The following R3HDM4 variants were observed in gnomAD, a reference collection of about 807,000 sequenced individuals.
R3HDM4 encodes the protein R3H domain-containing protein 4.
R3HDM4 carries 30 observed loss-of-function variants against 31.3 expected under a neutral mutation model. The ratio of observed to expected loss-of-function variants is 0.96; its 90% confidence interval spans 0.72 to 1.30. The LOEUF (loss-of-function observed/expected upper bound fraction) is 1.30. Ranked by LOEUF, R3HDM4 falls within the 50% of genes most tolerant of loss-of-function variation. The pLI, the probability that R3HDM4 is intolerant of heterozygous loss-of-function variation, is 0.00. For synonymous variants in R3HDM4, 196 were observed against 156.6 expected, an observed-to-expected ratio of 1.25 and a Z score of -1.88; for missense variants, 444 against 366.1, an observed-to-expected ratio of 1.21 and a Z score of -1.74.
Position 900,810 on chromosome 19 carries a change from G to A in R3HDM4, c.475+19C>T, listed in dbSNP as rs1472237723. 1.5e-5 allele frequency: 6 copies of A among 398,058 alleles called. No homozygotes were observed. In the East Asian group the frequency reaches 3.9e-4, roughly 26 times the overall value. 24.7% of individuals were successfully genotyped at this position (398,058 alleles called of 1,614,324 possible). On this transcript the variant is annotated intron_variant, in intron 4 of 7. Transcript: ENST00000361574. The stretch of plus-strand genomic sequence containing the variant: ...CCATACCCTGGCCCCACCCATACCC[G>A]CCCCAGCCAGGCCCGCACCTCTCCT...
At chr19:901,817 G>C in intron 2 of R3HDM4, 159 bp downstream of exon 2, 1 of 938,768 alleles carries the variant, frequency 1.1e-6, no homozygotes, top group South Asian at 1.6e-5. Context: ...CCTGTGTCTG[G>C]CTCTATTTAT....
intron 1 of R3HDM4, among the ~76,000 whole-genome samples, chr19:911,884 G>A (rs1408477536): frequency 6.6e-6 from 1 of 151,892 alleles, no homozygotes; most frequent in South Asian, 2.1e-4. Flanking sequence ...GCAAGGAGCC[G>A]GGTCTGCCCG....
rs752179633 is a variant in R3HDM4 at position 899,681 on chromosome 19, C to A, written c.567G>T (p.Thr189=). ...VLKRSRIPME[T]LETWEERLLR... ...GCAGCCGCTCCTCCCAGGTCTCCAG[C>A]GTTTCCTGGGGAGAGCGGCCCGGTG... The change falls in exon 6 of 8, where the codon ACG becomes ACT. Residue 189 remains threonine, a synonymous_variant. Transcript: ENST00000361574. This position sits in a 1 kb window ranked among gnomAD's most constrained non-coding sequence, Gnocchi z 6.8. 2 of 1,590,234 alleles carry A rather than the reference C, an allele frequency of 1.3e-6. No homozygotes were observed. The highest frequency in any genetic ancestry group is 1.8e-5 in the Admixed American group (1 of 55,688).
At chr19:909,988 C>T (rs2036952138) in intron 1 of R3HDM4, among the ~76,000 whole-genome samples, 1 of 152,010 alleles carries the variant, frequency 6.6e-6, no homozygotes, top group African/African-American at 2.4e-5. Flanking sequence ...AGTTCGAGAC[C>T]AGCCTAGGCA....
rs1449715723 is a variant in R3HDM4, at chr19:912,760, T to G, written c.71+327A>C. 2.1e-4 allele frequency among the ~76,000 whole-genome samples: 11 copies of G among 53,188 alleles called. No individual in the cohort carries two copies. In the South Asian group the frequency reaches 2.2e-3, roughly 10 times the overall value. 34.9% of individuals were successfully genotyped at this position (53,188 alleles called of 152,430 possible). Reference sequence around the variant, plus strand: ...CGGGGAGTGGGGCGCGGACCGGGGATTAGGGGGCGGACCGGGGAGTAGGGG... The same window carrying G: ...CGGGGAGTGGGGCGCGGACCGGGGAGTAGGGGGCGGACCGGGGAGTAGGGG... On this transcript the variant is annotated intron_variant, in intron 1 of 7. Transcript: ENST00000361574.
intron 1 of R3HDM4, among the ~76,000 whole-genome samples, chr19:904,959 C>A (rs2036883903): frequency 6.6e-6 from 1 of 151,396 alleles, no homozygotes; most frequent in Non-Finnish European, 1.5e-5. Flanking sequence ...GTGTTCCCAG[C>A]ACTTTGGGAG....
rs1467623237 is a variant in R3HDM4, at chr19:901,512, C to G, written c.261G>C (p.Gly87=). 1.2e-6 allele frequency: 2 copies of G among 1,608,400 alleles called. No homozygotes were observed. The highest frequency in any genetic ancestry group is 1.7e-6 in the Non-Finnish European group (2 of 1,179,794). The change falls in exon 3 of 8, where the codon GGG becomes GGC. Residue 87 remains glycine (G), a synonymous_variant. Coordinates refer to ENST00000361574, the MANE Select transcript of R3HDM4 (RefSeq NM_138774.4). ...QYLLTLLETD[G]GLPGLEDGDL... is the part of the protein sequence containing the mutation. ...CCCCATCCTCCAGGCCAGGCAGGCC[C>G]CCGTCTGTCTCCAGCAGGGTCAGGA...
In R3HDM4 at chr19:899,687, C is replaced by T. The variant is rs2036799402; in HGVS notation, c.562-1G>A. The stretch of plus-strand genomic sequence containing the variant: ...GCTCCTCCCAGGTCTCCAGCGTTTC[C>T]TGGGGAGAGCGGCCCGGTGGTCAGG... On this transcript the variant is annotated splice_acceptor_variant, in intron 5 of 7. Coordinates refer to ENST00000361574, the MANE Select transcript of R3HDM4 (RefSeq NM_138774.4). LOFTEE classifies it high-confidence loss of function. This position sits in a 1 kb window ranked among gnomAD's most constrained non-coding sequence, Gnocchi z 6.8. 6.3e-7 allele frequency: 1 copy of T among 1,577,830 alleles called. No homozygotes were observed. Among genetic ancestry groups the T allele is most frequent in the Non-Finnish European group, 8.6e-7 (1 of 1,161,730 alleles).
intron 1 of R3HDM4, among the ~76,000 whole-genome samples, chr19:911,649 C>A (rs1364794669): frequency 6.6e-6 from 1 of 152,174 alleles, no homozygotes; most frequent in Admixed American, 6.5e-5. Context: ...TGGCGCCGTC[C>A]GCACACGGAG....
Position 901,429 on chromosome 19 carries a change from T to C in R3HDM4, c.344A>G (p.Tyr115Cys), listed in dbSNP as rs955540823. 8.1e-6 allele frequency: 13 copies of C among 1,606,434 alleles called. No individual in the cohort carries two copies. Among genetic ancestry groups the C allele is most frequent in the Non-Finnish European group, 1.0e-5 (12 of 1,179,354 alleles). The change falls in exon 3 of 8, where the codon TAT becomes TGT. Residue 115 changes from tyrosine to cysteine, a missense_variant. Transcript: ENST00000361574. ...GGGGGTTGGGGGCCACACCTCCACATAGGTGGCGTTGTTGCAGGCCTCGGC... is the reference window on the plus strand; with the variant it reads ...GGGGGTTGGGGGCCACACCTCCACACAGGTGGCGTTGTTGCAGGCCTCGGC... ...IFAEACNNAT[Y>C]VEVWNDFMNR...
At chr19:898,582 G>A (rs1363596017) in intron 7 of R3HDM4, among the ~76,000 whole-genome samples, 3 of 151,776 alleles carry the variant, frequency 2.0e-5, no homozygotes, top group Non-Finnish European at 4.4e-5. Context: ...CTGGGTGGCA[G>A]AATGAGACTG....
chr19:910,532 C>G lies in R3HDM4; in HGVS notation c.71+2555G>C, dbSNP rs145678410. Among the ~76,000 whole-genome samples the G allele has an allele frequency of 6.6e-3, 997 of 151,810 alleles. 10 individuals are homozygous for G. The highest frequency in any genetic ancestry group is 0.023 in the African/African-American group (950 of 41,366). On this transcript the variant is annotated intron_variant, in intron 1 of 7. Coordinates refer to ENST00000361574, the MANE Select transcript of R3HDM4 (RefSeq NM_138774.4). Reference sequence around the variant, plus strand: ...CTGTAATCCCAACACTTTGGGAGGCCGAGGAGGCAGGATGGCTTGAGCCCA... The same window carrying G: ...CTGTAATCCCAACACTTTGGGAGGCGGAGGAGGCAGGATGGCTTGAGCCCA...
Position 899,445 on chromosome 19 carries a change from G to A in R3HDM4, c.698C>T (p.Ser233Leu), listed in dbSNP as rs370981367. 1.1e-4 allele frequency: 176 copies of A among 1,613,450 alleles called. No individual in the cohort carries two copies. Among genetic ancestry groups the A allele is most frequent in the Non-Finnish European group, 1.3e-4 (153 of 1,179,924 alleles). ...HAVCQYMDLI[S>L]ASADLEGKRQ... The stretch of plus-strand genomic sequence containing the variant: ...TGGGGGCCACCGGCACTTACTGGCC[G>A]AGATGAGGTCCATGTACTGGCAGAC... Residue 233 changes from serine to leucine, a missense_variant, in exon 7 of 8, where the codon TCG (serine) becomes TTG (leucine). By Grantham distance (145) the Ser-to-Leu change is moderately radical. Transcript: ENST00000361574. This position sits in a 1 kb window ranked among gnomAD's most constrained non-coding sequence, Gnocchi z 6.8.
intron 1 of R3HDM4, among the ~76,000 whole-genome samples, chr19:909,161 G>C (rs2036941499): frequency 6.6e-6 from 1 of 152,186 alleles, no homozygotes; most frequent in African/African-American, 2.4e-5. Flanking sequence ...TGGAGTTTGG[G>C]GGAACAGGCC....
chr19:911,545 G>A (rs1428644735), intron 1 of R3HDM4, among the ~76,000 whole-genome samples: 1 of 152,258 alleles, frequency 6.6e-6, no homozygotes, highest in Non-Finnish European at 1.5e-5. Context: ...TGCCAGCTCG[G>A]TAACCCCCAC....
Position 901,426 on chromosome 19 carries a change from A to C in R3HDM4, c.347T>G (p.Val116Gly), listed in dbSNP as rs763029661. The C allele has an allele frequency of 3.7e-6, 6 of 1,605,962 alleles. No individual in the cohort carries two copies. Among genetic ancestry groups the C allele is most frequent in the Non-Finnish European group, 5.1e-6 (6 of 1,179,306 alleles). Residue 116 changes from valine to glycine, a missense_variant, in exon 3 of 8, where the codon GTG (valine) becomes GGG (glycine). Physicochemically the swap from Val to Gly is moderately radical, Grantham distance 109. Coordinates refer to ENST00000361574, the MANE Select transcript of R3HDM4 (RefSeq NM_138774.4). ...FAEACNNATY[V>G]EVWNDFMNRS... ...TGAGGGGGTTGGGGGCCACACCTCC[A>C]CATAGGTGGCGTTGTTGCAGGCCTC...
At position 913,185 on chromosome 19, in the gene R3HDM4, G is replaced by C; in HGVS notation, c.-28C>G. 9.5e-7 allele frequency: 1 copy of C among 1,057,226 alleles called. No individual in the cohort carries two copies. The highest frequency in any genetic ancestry group is 1.1e-6 in the Non-Finnish European group (1 of 878,956). The allele number at this position is 1,057,226 out of a possible 1,614,324, so 65.5% of individuals were successfully genotyped here. A position where few individuals can be genotyped will look rare whatever the true frequency, so the allele number is the denominator to read the frequency against. Reference sequence around the variant, plus strand: ...CTCGCACGCTGTCGCCGCCGCCGCCGCCCGGCAGGGCCTTCACCGGGCCGG... The same window carrying C: ...CTCGCACGCTGTCGCCGCCGCCGCCCCCCGGCAGGGCCTTCACCGGGCCGG... On this transcript the variant is annotated 5_prime_UTR_variant, in exon 1 of 8. Coordinates refer to ENST00000361574, the MANE Select transcript of R3HDM4 (RefSeq NM_138774.4). The surrounding 1 kb of genome is among the most constrained non-coding windows in gnomAD (Gnocchi z 5.0).
chr19:900,879 C>G lies in R3HDM4; in HGVS notation c.425G>C (p.Arg142Thr). The change falls in exon 4 of 8, where the codon AGG becomes ACG. Residue 142 changes from arginine (R) to threonine (T), a missense_variant. Transcript: ENST00000361574. The part of the protein sequence containing the change: ...RVLRYLEDEG[R>T]SKARRRGPGR... ...AGGGCCCCTCCTCCGCGCCTTGCTC[C>G]TGCCCTCATCCTCCAGGTAGCGAAG... 6.3e-7 allele frequency: 1 copy of G among 1,578,498 alleles called. No individual in the cohort carries two copies. The highest frequency in any genetic ancestry group is 8.6e-7 in the Non-Finnish European group (1 of 1,163,964).
At chr19:910,313 G>A (rs376292099) in intron 1 of R3HDM4, among the ~76,000 whole-genome samples, 7 of 144,538 alleles carry the variant, frequency 4.8e-5, no homozygotes, top group East Asian at 4.1e-4. Context: ...CAACAAGAGC[G>A]AAACCATCTC....
Sources: allele counts gnomAD v4.1 joint callset (sites outside exome capture counted in the v4.1 genomes callset), GRCh38; gene constraint gnomAD v4.1.1; non-coding constraint Gnocchi (gnomAD v3.1); transcripts MANE v1.5; gene names NCBI Gene and HGNC (gene_info 2026-07-23, HGNC 2026-07-21).